Variants in SH3GL3 observed in about 807,000 individuals in gnomAD.
The protein encoded by SH3GL3 is endophilin-A3.
Under a neutral mutation model 47.7 loss-of-function variants are expected in SH3GL3, and 33 were observed. The ratio of observed to expected loss-of-function variants is 0.69; its 90% CI spans 0.52 to 0.92. The LOEUF is 0.92. Among genes scored for constraint, SH3GL3 ranks in the 40% least tolerant of loss-of-function variants. The pLI is 0.00. For missense variants in SH3GL3, 363 were observed against 417.8 expected, an observed-to-expected ratio of 0.87 and a Z score of 1.14; for synonymous variants, 155 against 148.8, an observed-to-expected ratio of 1.04 and a Z score of -0.30.
At chr15:83,613,876 A>G (rs915671436) in intron 8 of SH3GL3, among the ~76,000 whole-genome samples, 2 of 152,164 alleles carry the variant, frequency 1.3e-5, no homozygotes, top group African/African-American at 2.4e-5. Context: ...TTGGAAAAGG[A>G]GAGGACTCAT....
chr15:83,625,567 A>G, the SH3GL3 span, among the ~76,000 whole-genome samples: 1 of 152,138 alleles, frequency 6.6e-6, no homozygotes, highest in Non-Finnish European at 1.5e-5. Context: ...GTGGTTATAT[A>G]ATCATTCCAA....
At chr15:83,538,043 G>A (rs938728419) in intron 1 of SH3GL3, among the ~76,000 whole-genome samples, 15 of 152,104 alleles carry the variant, frequency 9.9e-5, no homozygotes, top group African/African-American at 3.4e-4. Context: ...ATTTTTTATC[G>A]TGCTGCTATA....
chr15:83,537,847 T>G (rs1314489886), intron 1 of SH3GL3, among the ~76,000 whole-genome samples: 1 of 152,164 alleles, frequency 6.6e-6, no homozygotes. Flanking sequence ...CTTTCTTGTT[T>G]TTCAGCCCTG....
intron 4 of SH3GL3, among the ~76,000 whole-genome samples, chr15:83,571,128 A>G (rs2045794728): frequency 6.6e-6 from 1 of 152,214 alleles, no homozygotes; most frequent in Non-Finnish European, 1.5e-5. Context: ...CTCCTACAGT[A>G]CAGAAACCTC....
intron 1 of SH3GL3, among the ~76,000 whole-genome samples, chr15:83,538,909 G>C (rs2044036419): frequency 6.6e-6 from 1 of 152,108 alleles, no homozygotes; most frequent in Admixed American, 6.5e-5. Context: ...TTATTTTTAT[G>C]TTCAGCTTTA....
chr15:83,536,358 G>C (rs2043901565), intron 1 of SH3GL3, among the ~76,000 whole-genome samples: 1 of 150,978 alleles, frequency 6.6e-6, no homozygotes, highest in African/African-American at 2.4e-5. Flanking sequence ...TCTTGTGCTG[G>C]GACATTTCCT....
chr15:83,473,755 G>A (rs542205959), intron 1 of SH3GL3, among the ~76,000 whole-genome samples: 1 of 151,724 alleles, frequency 6.6e-6, no homozygotes, highest in African/African-American at 2.4e-5. Flanking sequence ...CACCGTGTTA[G>A]CCAGGATGGT....
At chr15:83,498,994 G>A (rs2042188134) in intron 1 of SH3GL3, among the ~76,000 whole-genome samples, 1 of 152,164 alleles carries the variant, frequency 6.6e-6, no homozygotes. Context: ...TCCTCCTGGT[G>A]TTTTGCTTTC....
At chr15:83,591,241 C>T (rs1051546375) in intron 8 of SH3GL3, among the ~76,000 whole-genome samples, 3 of 152,306 alleles carry the variant, frequency 2.0e-5, no homozygotes, top group African/African-American at 4.8e-5. Flanking sequence ...CTCCTGACCT[C>T]AAATGATCTG....
At chr15:83,559,524 C>G (rs1180254484) in intron 2 of SH3GL3, among the ~76,000 whole-genome samples, 1 of 152,014 alleles carries the variant, frequency 6.6e-6, no homozygotes, top group African/African-American at 2.4e-5. Context: ...TTGGGCAGGT[C>G]GAGTAATGAG....
chr15:83,479,965 G>A (rs958656045), intron 1 of SH3GL3, among the ~76,000 whole-genome samples: 1 of 152,176 alleles, frequency 6.6e-6, no homozygotes, highest in African/African-American at 2.4e-5. Flanking sequence ...TTGCCATGTC[G>A]TAATTGCTAA....
At chr15:83,519,397 A>G (rs770499983) in intron 1 of SH3GL3, among the ~76,000 whole-genome samples, 20 of 152,206 alleles carry the variant, frequency 1.3e-4, no homozygotes, top group Middle Eastern at 3.4e-3. Context: ...CCTTGGTTAG[A>G]TGCATTCGTA....
intron 1 of SH3GL3, among the ~76,000 whole-genome samples, chr15:83,480,871 G>A (rs1245351900): frequency 1.3e-5 from 2 of 152,238 alleles, no homozygotes; most frequent in African/African-American, 4.8e-5. Context: ...AAGGATTTGT[G>A]TATCCCATGG....
chr15:83,494,406 A>G (rs1313321443), intron 1 of SH3GL3, among the ~76,000 whole-genome samples: 1 of 152,188 alleles, frequency 6.6e-6, no homozygotes, highest in African/African-American at 2.4e-5. Flanking sequence ...TATTTTTGCT[A>G]ATCACTGCTT....
At chr15:83,546,078 G>A (rs1421974274) in intron 1 of SH3GL3, among the ~76,000 whole-genome samples, 1 of 152,138 alleles carries the variant, frequency 6.6e-6, no homozygotes, top group Non-Finnish European at 1.5e-5. Context: ...TTAGTCAGCA[G>A]AAGTTGATTC....
At chr15:83,578,030 G>C (rs1419964887) in intron 6 of SH3GL3, among the ~76,000 whole-genome samples, 1 of 152,236 alleles carries the variant, frequency 6.6e-6, no homozygotes, top group Non-Finnish European at 1.5e-5. Context: ...AGTGGTGCTT[G>C]TGGGCTCGGG....
intron 6 of SH3GL3, among the ~76,000 whole-genome samples, chr15:83,578,875 TG>T (rs1288469929): frequency 2.0e-5 from 3 of 152,204 alleles, no homozygotes; most frequent in Non-Finnish European, 4.4e-5. Flanking sequence ...TATGGAATGT[TG>T]CCCTGCTGGC....
intron 1 of SH3GL3, among the ~76,000 whole-genome samples, chr15:83,550,404 T>C (rs998107633): frequency 6.6e-6 from 1 of 152,206 alleles, no homozygotes; most frequent in Non-Finnish European, 1.5e-5. Context: ...TTATTTATTT[T>C]TTTTGAGATG....
chr15:83,533,582 T>C (rs548917907), intron 1 of SH3GL3, among the ~76,000 whole-genome samples: 46 of 152,370 alleles, frequency 3.0e-4, no homozygotes, highest in African/African-American at 9.6e-4. Context: ...TTCTATGTGA[T>C]AATCACAAGT....
Sources: gnomAD v4.1 joint callset for allele counts (sites outside exome capture counted in the v4.1 genomes callset) on GRCh38, gnomAD v4.1.1 for gene constraint, MANE v1.5 for transcripts, NCBI Gene and HGNC (gene_info 2026-07-23, HGNC 2026-07-21) for gene names.